POLR3F: variants seen among roughly 807,000 people sequenced by gnomAD.
POLR3F encodes the protein DNA-directed RNA polymerase III subunit RPC6.
A neutral mutation model predicts 43.6 loss-of-function variants in POLR3F; 31 were observed. The observed-to-expected ratio is 0.71, with a 90% confidence interval of 0.53 to 0.96. The LOEUF is 0.96. Among genes scored for constraint, POLR3F ranks in the 40% least tolerant of loss-of-function variants. The pLI, the probability that POLR3F is intolerant of heterozygous loss-of-function variation, is 0.00. For missense variants in POLR3F, 316 were observed against 391.7 expected, an observed-to-expected ratio of 0.81 and a Z score of 1.63; for synonymous variants, 114 against 132.5, an observed-to-expected ratio of 0.86 and a Z score of 0.96.
intron 4 of POLR3F, 130 bp from the exon 5 acceptor site, chr20:18,474,945 G>T: frequency 2.0e-6 from 1 of 511,714 alleles, no homozygotes; most frequent in Non-Finnish European, 3.6e-6. Context: ...GCATACTTTT[G>T]CTACTTTAGC....
rs2059821573 is a variant in POLR3F, at chr20:18,483,492, C to A, written c.885C>A (p.Asp295Glu). ...TTTCTTTTTTAAAGGTTTTTGATGA[C>A]TGCCACGAAGGTGGTGAGATTTCAC... is the stretch of plus-strand genomic sequence containing the variant. Reference protein sequence around the residue: ...APCGLCPVFDDCHEGGEISPS... With the variant: ...APCGLCPVFDECHEGGEISPS... Residue 295 changes from aspartate (D) to glutamate (E), a missense_variant, in exon 9 of 9, where the codon GAC (aspartate) becomes GAA (glutamate). Physicochemically the swap from Asp to Glu is conservative, Grantham distance 45. This residue lies in a region of POLR3F where 85 missense variants were observed against 80.2 expected (regional missense o/e 1.06). Coordinates refer to ENST00000377603, the MANE Select transcript of POLR3F (RefSeq NM_006466.4). 2.0e-6 allele frequency: 3 copies of A among 1,510,318 alleles called. No individual in the cohort carries two copies. Among genetic ancestry groups the A allele is most frequent in the East Asian group, 2.3e-5 (1 of 44,016 alleles). The allele number at this position is 1,510,318 out of a possible 1,614,324, so 93.6% of individuals were successfully genotyped here. A position where few individuals can be genotyped will look rare whatever the true frequency, so the allele number is the denominator to read the frequency against.
chr20:18,480,351 GA>G (rs1284396810), intron 6 of POLR3F, 50 bp from the exon 7 acceptor site: 1 of 1,373,694 alleles, frequency 7.3e-7, no homozygotes, highest in South Asian at 1.2e-5. Flanking sequence ...AGTGTATTCA[GA>G]AAACACACCA....
Position 18,484,246 on chromosome 20 carries a change from T to C in POLR3F, c.*688T>C. On this transcript the variant is annotated 3_prime_UTR_variant, in exon 9 of 9. Transcript: ENST00000377603. ...TTCATTCTAAAGAATATTTTCACTGTTCCTTCTTTCTTAAAGTCTTATGTT... is the reference window on the plus strand; with the variant it reads ...TTCATTCTAAAGAATATTTTCACTGCTCCTTCTTTCTTAAAGTCTTATGTT... The C allele has an allele frequency of 2.5e-6, 1 of 398,234 alleles. No homozygotes were observed. Among genetic ancestry groups the C allele is most frequent in the Non-Finnish European group, 4.4e-6 (1 of 225,838 alleles). 24.7% of individuals were successfully genotyped at this position (398,234 alleles called of 1,614,324 possible). A position where few individuals can be genotyped will look rare whatever the true frequency, so the allele number is the denominator to read the frequency against.
chr20:18,477,093 A>C (rs915654832), intron 5 of POLR3F, among the ~76,000 whole-genome samples: 3 of 151,960 alleles, frequency 2.0e-5, no homozygotes, highest in East Asian at 3.9e-4. Flanking sequence ...AAAAAAAAAA[A>C]AAACACACAA....
At chr20:18,469,251 A>G (rs2059734262) in intron 2 of POLR3F, 190 bp downstream of exon 2, 5 of 568,186 alleles carry the variant, frequency 8.8e-6, no homozygotes, top group Middle Eastern at 9.3e-4. Context: ...GAATTGGTGA[A>G]CGGAGTAAAG....
chr20:18,480,206 A>G, intron 6 of POLR3F, 25 bp downstream of exon 6: 1 of 1,585,512 alleles, frequency 6.3e-7, no homozygotes, highest in East Asian at 2.2e-5. Context: ...AGGAAACATC[A>G]CTGCAAACCC....
chr20:18,476,268 A>T (rs559962524), intron 5 of POLR3F, among the ~76,000 whole-genome samples: 1 of 152,170 alleles, frequency 6.6e-6, no homozygotes, highest in Non-Finnish European at 1.5e-5. Flanking sequence ...CTCTCTTTCC[A>T]TAGGCCCTAA....
At chr20:18,468,226 G>C (rs906577561) in intron 1 of POLR3F, among the ~76,000 whole-genome samples, 1 of 152,110 alleles carries the variant, frequency 6.6e-6, no homozygotes, top group African/African-American at 2.4e-5. Flanking sequence ...ACAGGCTCGC[G>C]CCACCACGCC....
At chr20:18,469,539 G>C (rs970961952) in intron 2 of POLR3F, among the ~76,000 whole-genome samples, 3 of 152,168 alleles carry the variant, frequency 2.0e-5, no homozygotes, top group Non-Finnish European at 4.4e-5. Flanking sequence ...CATAATCACA[G>C]AGCAAATAGC....
At chr20:18,467,656 G>T in intron 1 of POLR3F, 88 bp downstream of exon 1, 1 of 1,594,322 alleles carries the variant, frequency 6.3e-7, no homozygotes, top group Non-Finnish European at 8.5e-7. Context: ...CCTTGGGAGT[G>T]GCCGGAGCGG....
chr20:18,472,793 C>A, intron 2 of POLR3F, 49 bp from the exon 3 acceptor site: 2 of 797,800 alleles, frequency 2.5e-6, no homozygotes, highest in Non-Finnish European at 4.2e-6. Context: ...TTTGATTTAA[C>A]ATATCTCCAA....
chr20:18,477,725 G>A (rs1286065021), intron 5 of POLR3F, among the ~76,000 whole-genome samples: 1 of 152,194 alleles, frequency 6.6e-6, no homozygotes, highest in Admixed American at 6.5e-5. Flanking sequence ...TGACATACTG[G>A]AAAAGGCAAA....
chr20:18,477,479 A>C (rs548278966), intron 5 of POLR3F, among the ~76,000 whole-genome samples: 31 of 152,360 alleles, frequency 2.0e-4, no homozygotes, highest in Admixed American at 2.0e-3. Context: ...TCATGTCCAC[A>C]TAACTACATG....
intron 5 of POLR3F, among the ~76,000 whole-genome samples, chr20:18,476,534 TCTC>T (rs2059781432): frequency 6.6e-6 from 1 of 152,194 alleles, no homozygotes; most frequent in South Asian, 2.1e-4. Flanking sequence ...TAATCTTAGA[TCTC>T]AGTGTAAAGT....
Position 18,475,198 on chromosome 20 carries a change from CT to C in POLR3F, c.429+14del. 1.0e-6 allele frequency: 1 copy of C among 993,706 alleles called. No individual in the cohort carries two copies. Among genetic ancestry groups the C allele is most frequent in the Non-Finnish European group, 1.6e-6 (1 of 628,644 alleles). The allele number at this position is 993,706 out of a possible 1,614,324, so 61.6% of individuals were successfully genotyped here. The stretch of plus-strand genomic sequence containing the variant: ...GTTAAGTCTGTAGCAGTGAGTAGTC[CT>C]TTCCTCAGATACCCACTTACATATG... On this transcript the variant is annotated intron_variant, in intron 5 of 8. Coordinates refer to ENST00000377603, the MANE Select transcript of POLR3F (RefSeq NM_006466.4).
intron 8 of POLR3F, among the ~76,000 whole-genome samples, chr20:18,482,864 C>T (rs773649277): frequency 6.6e-6 from 1 of 152,194 alleles, no homozygotes; most frequent in Non-Finnish European, 1.5e-5. Context: ...AAAAAGGTAG[C>T]TAAACATGAA....
chr20:18,476,242 G>GT (rs1342912959), intron 5 of POLR3F, among the ~76,000 whole-genome samples: 1 of 152,178 alleles, frequency 6.6e-6, no homozygotes, highest in Non-Finnish European at 1.5e-5. Flanking sequence ...GTGGCCACTA[G>GT]TATTTGTTTC....
At chr20:18,468,433 C>G (rs1310054543) in intron 1 of POLR3F, among the ~76,000 whole-genome samples, 1 of 152,222 alleles carries the variant, frequency 6.6e-6, no homozygotes, top group Non-Finnish European at 1.5e-5. Context: ...TTTTAAAAGA[C>G]TCAACTTTCT....
In POLR3F at chr20:18,483,498, C is replaced by T. The variant is rs562828889; in HGVS notation, c.891C>T (p.His297=). 9.2e-6 allele frequency: 14 copies of T among 1,526,754 alleles called. No homozygotes were observed. Among genetic ancestry groups the T allele is most frequent in the African/African-American group, 6.9e-5 (5 of 72,264 alleles). The allele number at this position is 1,526,754 out of a possible 1,614,324, so 94.6% of individuals were successfully genotyped here. Residue 297 remains histidine, a synonymous_variant, in exon 9 of 9, where the codon CAC becomes CAT. Transcript: ENST00000377603. ...TTTTAAAGGTTTTTGATGACTGCCA[C>T]GAAGGTGGTGAGATTTCACCATCTA... is the stretch of plus-strand genomic sequence containing the variant. ...CGLCPVFDDC[H]EGGEISPSNC... is the part of the protein sequence containing the mutation.
Sources: gnomAD v4.1 joint callset for allele counts (sites outside exome capture counted in the v4.1 genomes callset) on GRCh38, gnomAD v4.1.1 for gene constraint, gnomAD v4.1.1 regional missense constraint, MANE v1.5 for transcripts, NCBI Gene and HGNC (gene_info 2026-07-23, HGNC 2026-07-21) for gene names.